PHKA2: variants seen among roughly 807,000 people sequenced by gnomAD.
PHKA2 encodes phosphorylase kinase regulatory subunit alpha 2.
In PHKA2, 31 loss-of-function variants were observed where a neutral mutation model predicts 102.0. The observed-to-expected ratio is 0.30, with a 90% CI of 0.23 to 0.41. The LOEUF (loss-of-function observed/expected upper bound fraction) is 0.41. Ranked by LOEUF, PHKA2 falls within the 10% of genes least tolerant of loss-of-function variation. The pLI, the probability that PHKA2 is intolerant of heterozygous loss-of-function variation, is 1.00. For missense variants in PHKA2, 858 were observed against 1,023.1 expected, an observed-to-expected ratio of 0.84 and a Z score of 2.20; for synonymous variants, 455 against 416.2, an observed-to-expected ratio of 1.09 and a Z score of -1.13.
chrX:18,921,478 A>T (rs1056387331), intron 17 of PHKA2, among the ~76,000 whole-genome samples: 2 of 112,446 alleles, frequency 1.8e-5, no homozygotes, highest in Non-Finnish European at 3.8e-5. Context: ...CTGTGACTCA[A>T]CTTATCAAGA....
intron 22 of PHKA2, 131 bp downstream of exon 22, chrX:18,907,769 C>T: frequency 1.5e-6 from 1 of 689,240 alleles, no homozygotes; most frequent in Non-Finnish European, 2.3e-6. Context: ...GAGAGAAGGG[C>T]CCGCTCCACC....
chrX:18,919,952 G>T, intron 18 of PHKA2, 80 bp downstream of exon 18: 1 of 755,404 alleles, frequency 1.3e-6, no homozygotes, highest in Non-Finnish European at 2.0e-6. Context: ...GTCTATATTT[G>T]AGTCTTAGGG....
At chrX:18,972,925 A>C (rs2049035445) in intron 1 of PHKA2, among the ~76,000 whole-genome samples, 2 of 112,410 alleles carry the variant, frequency 1.8e-5, no homozygotes, top group South Asian at 7.3e-4. Context: ...TCCCCAATAC[A>C]TTACTTACGA....
chrX:18,938,302 G>A (rs967476937), intron 10 of PHKA2, among the ~76,000 whole-genome samples: 1 of 113,031 alleles, frequency 8.8e-6, no homozygotes, highest in African/African-American at 3.2e-5. Flanking sequence ...TGAGTTCCCA[G>A]CATCAGCTGC....
chrX:18,956,494 G>A (rs1013633024), intron 1 of PHKA2, among the ~76,000 whole-genome samples: 4 of 111,863 alleles, frequency 3.6e-5, no homozygotes, highest in African/African-American at 6.5e-5. Context: ...AGCAGTGATC[G>A]CTTACACATA....
intron 30 of PHKA2, among the ~76,000 whole-genome samples, 169 bp downstream of exon 30, chrX:18,896,994 C>T (rs1050455618): frequency 8.9e-6 from 1 of 111,914 alleles, no homozygotes; most frequent in African/African-American, 3.2e-5. Context: ...AGACATCCTA[C>T]CACGCACAGG....
chrX:18,941,421 T>A, intron 8 of PHKA2, 108 bp downstream of exon 8: 1 of 711,600 alleles, frequency 1.4e-6, no homozygotes, highest in Non-Finnish European at 2.3e-6. Flanking sequence ...GCTGTATGCA[T>A]CTGCTTAGAT....
intron 1 of PHKA2, among the ~76,000 whole-genome samples, chrX:18,956,679 T>C (rs2048780115): frequency 8.9e-6 from 1 of 112,576 alleles, no homozygotes; most frequent in South Asian, 3.6e-4. Context: ...TTCAGGGGAT[T>C]CTCATATTCA....
intron 13 of PHKA2, among the ~76,000 whole-genome samples, chrX:18,928,595 G>T (rs2048255644): frequency 8.9e-6 from 1 of 112,327 alleles, no homozygotes; most frequent in Non-Finnish European, 1.9e-5. Context: ...CCCTAAGAAG[G>T]AAGGTAGGAA....
intron 11 of PHKA2, among the ~76,000 whole-genome samples, chrX:18,931,997 G>A (rs182138525): frequency 7.2e-4 from 81 of 112,292 alleles, no homozygotes; most frequent in African/African-American, 2.5e-3. Context: ...GCAAGGCCAC[G>A]AGCACCGGAT....
chrX:18,894,204 C>G lies in PHKA2; in HGVS notation c.3537G>C (p.Gln1179His). The change falls in exon 32 of 33, where the codon CAG becomes CAC. Residue 1179 changes from glutamine to histidine, a missense_variant and splice_region_variant. Gln to His is a conservative substitution (Grantham distance 24). Transcript: ENST00000379942. The stretch of plus-strand genomic sequence containing the variant: ...CAACCCAGCTCCCTGGCACCCCCAC[C>G]TGGTCCTGCAAGAACAGCTGACTGG... ...QMASQLFLQDQVSIGAMDTLE... is the reference protein window; with the variant it reads ...QMASQLFLQDHVSIGAMDTLE... 1 of 1,209,985 alleles carries G rather than the reference C, an allele frequency of 8.3e-7. No homozygotes were observed. The highest frequency in any genetic ancestry group is 1.1e-6 in the Non-Finnish European group (1 of 893,720).
At chrX:18,942,755 G>C (rs1011056953) in intron 7 of PHKA2, among the ~76,000 whole-genome samples, 1 of 109,500 alleles carries the variant, frequency 9.1e-6, no homozygotes, top group African/African-American at 3.3e-5. Context: ...AGCTGAGGCG[G>C]GAGGACTGCT....
chrX:18,983,221 T>C (rs2049203086), intron 1 of PHKA2, among the ~76,000 whole-genome samples: 1 of 112,622 alleles, frequency 8.9e-6, no homozygotes, highest in Admixed American at 9.3e-5. Context: ...CCACACATAA[T>C]TTTAGCCCAG....
intron 7 of PHKA2, among the ~76,000 whole-genome samples, chrX:18,942,810 T>G (rs1440899745): frequency 9.6e-6 from 1 of 103,883 alleles, no homozygotes; most frequent in Non-Finnish European, 1.9e-5. Context: ...ATTGCACCAC[T>G]GCACTCCAGC....
In PHKA2 at chrX:18,907,048, G is replaced by A. The variant is rs764111429; in HGVS notation, c.2567C>T (p.Pro856Leu). The change falls in exon 23 of 33, where the codon CCG becomes CTG. Residue 856 changes from proline to leucine, a missense_variant. Physicochemically the swap from Pro to Leu is moderately conservative, Grantham distance 98 (BLOSUM62 -3). Coordinates refer to ENST00000379942, the MANE Select transcript of PHKA2 (RefSeq NM_000292.3). The stretch of plus-strand genomic sequence containing the variant: ...GATGATCTTCTCCCGGGGCTCGGGC[G>A]GCAGGCCCACGGTGAGCTGCTTCTG... ...SHQKQLTVGLPPEPREKIISA... is the reference protein window; with the variant it reads ...SHQKQLTVGLLPEPREKIISA... The A allele has an allele frequency of 1.3e-5, 15 of 1,194,798 alleles. No individual in the cohort carries two copies. The highest frequency in any genetic ancestry group is 8.8e-5 in the African/African-American group (5 of 57,014).
chrX:18,903,546 G>A (rs994435024), intron 26 of PHKA2, among the ~76,000 whole-genome samples: 4 of 112,524 alleles, frequency 3.6e-5, no homozygotes, highest in East Asian at 2.8e-4. Context: ...GTGCCACAGC[G>A]GGGTCTGGAG....
Position 18,951,783 on chromosome X carries a change from T to C in PHKA2, c.286-511A>G, listed in dbSNP as rs1375243577. 2.7e-5 allele frequency among the ~76,000 whole-genome samples: 3 copies of C among 111,396 alleles called. No homozygotes were observed. The Admixed American group carries it at 2.9e-4, about 11-fold the overall frequency. ...TACATGCTCAATGAATTGTTTTATT[T>C]ACCCCTCACTGAAAATACCACTAAA... On this transcript the variant is annotated intron_variant, in intron 3 of 32. Coordinates refer to ENST00000379942, the MANE Select transcript of PHKA2 (RefSeq NM_000292.3).
chrX:18,967,881 A>G (rs1188665725), intron 1 of PHKA2, among the ~76,000 whole-genome samples: 5 of 111,124 alleles, frequency 4.5e-5, no homozygotes, highest in Admixed American at 1.9e-4. Flanking sequence ...CAAACTTCCC[A>G]GCAGTTCTCA....
intron 1 of PHKA2, among the ~76,000 whole-genome samples, chrX:18,966,585 C>T (rs935884949): frequency 8.9e-6 from 1 of 112,335 alleles, no homozygotes; most frequent in African/African-American, 3.2e-5. Flanking sequence ...ATTATTTAAA[C>T]GCTGTCCAGA....
Sources: allele counts gnomAD v4.1 joint callset (sites outside exome capture counted in the v4.1 genomes callset), GRCh38; gene constraint gnomAD v4.1.1; transcripts MANE v1.5; gene names NCBI Gene and HGNC (gene_info 2026-07-23, HGNC 2026-07-21).